The following PPIL1 variants were observed in gnomAD, a reference collection of about 807,000 sequenced individuals.
PPIL1 encodes the protein peptidyl-prolyl cis-trans isomerase-like 1.
A neutral mutation model predicts 19.4 loss-of-function variants in PPIL1; 14 were observed. The ratio of observed to expected loss-of-function variants is 0.72; its 90% confidence interval spans 0.48 to 1.13. PPIL1 has a LOEUF of 1.13. Among genes scored for constraint, PPIL1 ranks in the 50% most tolerant of loss-of-function variants. The pLI is 0.00. For synonymous variants in PPIL1, 72 were observed against 73.6 expected, an observed-to-expected ratio of 0.98 and a Z score of 0.11; for missense variants, 192 against 218.0, an observed-to-expected ratio of 0.88 and a Z score of 0.75.
In PPIL1 at chr6:36,874,790, A is replaced by T. The variant is rs370416380; in HGVS notation, c.-18T>A. The T allele has an allele frequency of 2.7e-5, 44 of 1,613,758 alleles. No homozygotes were observed. The highest frequency in any genetic ancestry group is 3.7e-5 in the Non-Finnish European group (44 of 1,179,810). ...GCCGCCATAGCGAAGCCGGCGGCGG[A>T]ATGCTTGTCTAGTAATTGCTACTTC... On this transcript the variant is annotated 5_prime_UTR_variant, in exon 1 of 4. Coordinates refer to ENST00000373699, the MANE Select transcript of PPIL1 (RefSeq NM_016059.5).
At chr6:36,861,139 T>A (rs140219083) in intron 2 of PPIL1, among the ~76,000 whole-genome samples, 164 of 152,286 alleles carry the variant, frequency 1.1e-3, no homozygotes, top group Middle Eastern at 3.4e-3. Context: ...AGGGTCATAG[T>A]TTGAGTATTT....
intron 2 of PPIL1, among the ~76,000 whole-genome samples, chr6:36,871,371 C>G (rs1388589661): frequency 6.6e-6 from 1 of 152,158 alleles, no homozygotes; most frequent in Admixed American, 6.5e-5. Context: ...TTATTATTCT[C>G]AAAATATTAT....
At position 36,855,760 on chromosome 6, in the gene PPIL1, G is replaced by T; in HGVS notation, c.*53C>A. The T allele has an allele frequency of 6.4e-7, 1 of 1,561,514 alleles. No individual in the cohort carries two copies. The highest frequency in any genetic ancestry group is 1.1e-5 in the South Asian group (1 of 90,004). ...ATTACATGTCATTCTATGTCATCTA[G>T]AAGCTGGTTCACTGGGGCCATCTCA... On this transcript the variant is annotated 3_prime_UTR_variant, in exon 4 of 4. Coordinates refer to ENST00000373699, the MANE Select transcript of PPIL1 (RefSeq NM_016059.5).
At chr6:36,865,669 T>G (rs1346698203) in intron 2 of PPIL1, among the ~76,000 whole-genome samples, 2 of 151,896 alleles carry the variant, frequency 1.3e-5, no homozygotes, top group Non-Finnish European at 2.9e-5. Context: ...GCTTTTTCCC[T>G]TATTGTGAAT....
Position 36,874,750 on chromosome 6 carries a change from G to T in PPIL1, c.23C>A (p.Ser8Tyr), listed in dbSNP as rs745547920. 3 of 1,614,156 alleles carry T rather than the reference G, an allele frequency of 1.9e-6. No individual in the cohort carries two copies. The highest frequency in any genetic ancestry group is 1.7e-6 in the Non-Finnish European group (2 of 1,179,988). ...CAAGTAAACGTTGGGTGGCTGCCAG[G>T]AATCTGGGGGAATTGCCGCCATAGC... MAAIPPDSWQPPNVYLET... is the reference protein window; with the variant it reads MAAIPPDYWQPPNVYLET... Residue 8 changes from serine (S) to tyrosine (Y), a missense_variant, in exon 1 of 4, where the codon TCC becomes TAC. Transcript: ENST00000373699.
intron 2 of PPIL1, among the ~76,000 whole-genome samples, chr6:36,866,991 A>G (rs1774407533): frequency 6.6e-6 from 1 of 152,144 alleles, no homozygotes; most frequent in Non-Finnish European, 1.5e-5. Flanking sequence ...GAGAACCACA[A>G]TGGCTTGCAA....
At chr6:36,859,977 C>T (rs1294659409) in intron 2 of PPIL1, among the ~76,000 whole-genome samples, 7 of 152,060 alleles carry the variant, frequency 4.6e-5, no homozygotes, top group Admixed American at 2.6e-4. Context: ...TACAGGCGCC[C>T]GCCACCATGC....
intron 3 of PPIL1, 86 bp downstream of exon 3, chr6:36,856,500 G>C (rs1217906274): frequency 1.6e-6 from 2 of 1,238,392 alleles, no homozygotes; most frequent in Non-Finnish European, 2.4e-6. Flanking sequence ...ATGCCACGGT[G>C]TCAGGCATTC....
At chr6:36,871,685 AG>A (rs1450870940) in intron 2 of PPIL1, 32 bp downstream of exon 2, 4 of 1,561,756 alleles carry the variant, frequency 2.6e-6, no homozygotes, top group Non-Finnish European at 3.4e-6. Context: ...GAAAAAAAAA[AG>A]AAAACATAAA....
intron 2 of PPIL1, among the ~76,000 whole-genome samples, chr6:36,865,653 C>T (rs913435797): frequency 4.6e-5 from 7 of 152,268 alleles, no homozygotes; most frequent in African/African-American, 1.7e-4. Flanking sequence ...AATCTCATTC[C>T]ATTGTGCTTT....
At chr6:36,858,079 A>G (rs1406823520) in intron 2 of PPIL1, among the ~76,000 whole-genome samples, 1 of 150,890 alleles carries the variant, frequency 6.6e-6, no homozygotes, top group East Asian at 2.0e-4. Flanking sequence ...AAATACAAAA[A>G]AAAAATTAGC....
At chr6:36,867,661 G>A (rs1381735209) in intron 2 of PPIL1, among the ~76,000 whole-genome samples, 1 of 152,238 alleles carries the variant, frequency 6.6e-6, no homozygotes, top group African/African-American at 2.4e-5. Context: ...CCCAGAGCCT[G>A]GAGTGGTGAC....
intron 1 of PPIL1, 126 bp downstream of exon 1, chr6:36,874,591 G>T: frequency 7.6e-7 from 1 of 1,308,900 alleles, no homozygotes; most frequent in Non-Finnish European, 1.1e-6. Context: ...GGCCGTCTCG[G>T]CCGCTGCTCC....
In PPIL1 at chr6:36,871,824, G is replaced by C; in HGVS notation, c.105C>G (p.Thr35=). The C allele has an allele frequency of 6.2e-7, 1 of 1,611,218 alleles. No homozygotes were observed. The highest frequency in any genetic ancestry group is 8.5e-7 in the Non-Finnish European group (1 of 1,179,042). Residue 35 remains threonine, a synonymous_variant, in exon 2 of 4, where the codon ACC becomes ACG. Coordinates refer to ENST00000373699, the MANE Select transcript of PPIL1 (RefSeq NM_016059.5). ...LELYWKHAPK[T]CKNFAELARR... is the part of the protein sequence containing the mutation. ...GAGCCAACTCAGCAAAGTTCTTACA[G>C]GTCTTTGGAGCATGCTTCCAGTACA... is the stretch of plus-strand genomic sequence containing the variant.
In PPIL1 at chr6:36,856,551, C is replaced by T. The variant is rs764448037; in HGVS notation, c.280+35G>A. On this transcript the variant is annotated intron_variant, in intron 3 of 3. Coordinates refer to ENST00000373699, the MANE Select transcript of PPIL1 (RefSeq NM_016059.5). Reference sequence around the variant, plus strand: ...CAAAAGAGTGAGCTTTTAAAATCCCCGTTCCTACCCAGTCCAGCCAAATTA... The same window carrying T: ...CAAAAGAGTGAGCTTTTAAAATCCCTGTTCCTACCCAGTCCAGCCAAATTA... 1.1e-5 allele frequency: 18 copies of T among 1,583,510 alleles called. No homozygotes were observed. The East Asian group carries it at 1.3e-4, about 12-fold the overall frequency.
chr6:36,866,542 T>C (rs920290389), intron 2 of PPIL1, among the ~76,000 whole-genome samples: 1 of 152,156 alleles, frequency 6.6e-6, no homozygotes, highest in Non-Finnish European at 1.5e-5. Flanking sequence ...GTGCAGTTAT[T>C]TGAAGATCTT....
chr6:36,872,417 T>A (rs1246456022), intron 1 of PPIL1, among the ~76,000 whole-genome samples: 1 of 152,154 alleles, frequency 6.6e-6, no homozygotes, highest in Non-Finnish European at 1.5e-5. Context: ...CAATAAAAGG[T>A]ACAGTTTGTG....
At chr6:36,871,970 A>G in intron 1 of PPIL1, 98 bp from the exon 2 acceptor site, 1 of 1,152,640 alleles carries the variant, frequency 8.7e-7, no homozygotes, top group Non-Finnish European at 1.2e-6. Context: ...TCAAGCTTGT[A>G]AGTCATGAAA....
At chr6:36,856,705 C>T in intron 2 of PPIL1, 51 bp from the exon 3 acceptor site, 2 of 1,538,700 alleles carry the variant, frequency 1.3e-6, no homozygotes, top group South Asian at 1.1e-5. Context: ...CATTCTATCT[C>T]ACAGCAAGAA....
Sources: gnomAD v4.1 joint callset for allele counts (sites outside exome capture counted in the v4.1 genomes callset) on GRCh38, gnomAD v4.1.1 for gene constraint, MANE v1.5 for transcripts, NCBI Gene and HGNC (gene_info 2026-07-23, HGNC 2026-07-21) for gene names.